Variants in SCLY observed in about 807,000 individuals in gnomAD.
The protein encoded by SCLY is putative selenocysteine lyase.
SCLY carries 38 observed loss-of-function variants against 50.1 expected under a neutral mutation model. The observed-to-expected ratio is 0.76, with a 90% CI of 0.59 to 0.99. The LOEUF (loss-of-function observed/expected upper bound fraction) is 0.99, where lower values mean the gene tolerates loss of function less well. SCLY is among the 50% of genes least tolerant of loss of function. SCLY has a pLI of 0.00. For synonymous variants in SCLY, 243 were observed against 249.4 expected (o/e 0.97, Z 0.24); for missense variants, 600 against 620.0 (o/e 0.97, Z 0.34).
chr2:238,063,482 C>T (rs564964556), intron 1 of SCLY, among the ~76,000 whole-genome samples: 1 of 152,272 alleles, frequency 6.6e-6, no homozygotes, highest in East Asian at 1.9e-4. Context: ...CTTGACCTCC[C>T]AAAGTGCTGG....
At chr2:238,080,465 C>A (rs2065224082) in intron 4 of SCLY, 1 of 152,220 alleles carries the variant, frequency 6.6e-6, no homozygotes, top group Non-Finnish European at 1.5e-5. Context: ...AATGCGTTTC[C>A]CCAGGAGGTG....
chr2:238,074,587 G>A (rs1012485179), intron 4 of SCLY, among the ~76,000 whole-genome samples: 2 of 152,050 alleles, frequency 1.3e-5, no homozygotes, highest in African/African-American at 2.4e-5. Flanking sequence ...GGGTTCAAGC[G>A]ATTCTCCTGC....
intron 8 of SCLY, chr2:238,092,460 G>C (rs1477745366): frequency 3.3e-5 from 5 of 152,242 alleles, no homozygotes; most frequent in Non-Finnish European, 5.9e-5. Flanking sequence ...CCGTCCACAG[G>C]CTTTGAAATA....
chr2:238,092,536 C>T (rs1170857299), intron 8 of SCLY: 2 of 152,260 alleles, frequency 1.3e-5, no homozygotes, highest in African/African-American at 4.8e-5. Flanking sequence ...CGCTGGAACT[C>T]CCTGAGTCCT....
At chr2:238,091,550 CA>C in intron 8 of SCLY, 104 of 408,366 alleles carry the variant, frequency 2.5e-4, no homozygotes, top group South Asian at 6.6e-4. Flanking sequence ...GCAGGTTCAC[CA>C]TTCCCAAAGG....
chr2:238,066,522 A>G lies in SCLY; in HGVS notation c.203-1543A>G, dbSNP rs894265787. Among the ~76,000 whole-genome samples, 1 of 152,172 alleles carries G rather than the reference A, an allele frequency of 6.6e-6. No homozygotes were observed. Among genetic ancestry groups the G allele is most frequent in the African/African-American group, 2.4e-5 (1 of 41,452 alleles). On this transcript the variant is annotated intron_variant, in intron 2 of 11. Transcript: ENST00000254663. The surrounding 1 kb of genome is among the most constrained non-coding windows in gnomAD (Gnocchi z 4.1). ...TTTTCGAGGCATTACTTTGTCCACT[A>G]TGTGGAGAATGGACCCTGGTGGGGG...
intron 4 of SCLY, among the ~76,000 whole-genome samples, chr2:238,072,777 C>T (rs187253313): frequency 6.6e-6 from 1 of 152,294 alleles, no homozygotes; most frequent in Non-Finnish European, 1.5e-5. Context: ...ATGCTTGATA[C>T]AAGTCCCTTG....
intron 1 of SCLY, among the ~76,000 whole-genome samples, chr2:238,062,259 G>A (rs2065025306): frequency 6.6e-6 from 1 of 152,114 alleles, no homozygotes; most frequent in Admixed American, 6.5e-5. Flanking sequence ...AAGGTACTTT[G>A]GATGCTTATT....
intron 4 of SCLY, chr2:238,079,753 G>A (rs2065216605): frequency 6.6e-6 from 1 of 151,970 alleles, no homozygotes; most frequent in African/African-American, 2.4e-5. Flanking sequence ...CATGTGTCTG[G>A]GAGTGAATGT....
intron 4 of SCLY, among the ~76,000 whole-genome samples, chr2:238,075,669 A>G (rs898869711): frequency 4.6e-5 from 7 of 152,142 alleles, no homozygotes; most frequent in Non-Finnish European, 1.0e-4. Flanking sequence ...ACCATTGTTT[A>G]TAGTAGTCTC....
intron 10 of SCLY, 111 bp from the exon 11 acceptor site, chr2:238,096,690 C>T: frequency 1.7e-6 from 2 of 1,168,258 alleles, no homozygotes; most frequent in South Asian, 1.3e-5. Flanking sequence ...GGAATTCCAC[C>T]AGGTGGCACA....
chr2:238,077,395 A>G (rs1228093094), intron 4 of SCLY, among the ~76,000 whole-genome samples: 1 of 152,240 alleles, frequency 6.6e-6, no homozygotes, highest in Admixed American at 6.5e-5. Context: ...ATGTTGTAAT[A>G]CACTGTTAGA....
intron 4 of SCLY, among the ~76,000 whole-genome samples, chr2:238,075,457 T>C (rs2065164381): frequency 6.6e-6 from 1 of 152,216 alleles, no homozygotes; most frequent in Non-Finnish European, 1.5e-5. Context: ...TTGGTTTTAA[T>C]TCATCTTTAA....
chr2:238,085,760 G>A lies in SCLY; in HGVS notation c.884+2406G>A, dbSNP rs115217450. On this transcript the variant is annotated intron_variant, in intron 7 of 11. Coordinates refer to ENST00000254663, the MANE Select transcript of SCLY (RefSeq NM_016510.7). ...GAATGGGGTTTAAAATAGAGCTTCA[G>A]GGACCTATGAGACGATAACAAATGA... is the stretch of plus-strand genomic sequence containing the variant. 1.9e-3 allele frequency among the ~76,000 whole-genome samples: 282 copies of A among 152,174 alleles called. 1 individual carries two copies. The highest frequency in any genetic ancestry group is 6.4e-3 in the African/African-American group (266 of 41,522).
rs769621642 is a variant in SCLY, at chr2:238,069,496, G to GC, written c.484+22dup. ...GTGGCAGGTGAGTGAGTGCAGGGTG[G>GC]CCCTGGGACCAGCCTGCTGAGCTCC... On this transcript the variant is annotated intron_variant, in intron 4 of 11. Coordinates refer to ENST00000254663, the MANE Select transcript of SCLY (RefSeq NM_016510.7). The surrounding 1 kb of genome is among the most constrained non-coding windows in gnomAD (Gnocchi z 5.0). 15 of 1,589,588 alleles carry GC rather than the reference G, an allele frequency of 9.4e-6. No homozygotes were observed. In the South Asian group the frequency reaches 1.7e-4, roughly 18 times the overall value.
intron 2 of SCLY, 51 bp from the exon 3 acceptor site, chr2:238,068,014 G>A: frequency 7.3e-7 from 1 of 1,375,220 alleles, no homozygotes; most frequent in South Asian, 1.2e-5. Flanking sequence ...TAGATGCGTT[G>A]ATTGAGCTTG....
intron 8 of SCLY, chr2:238,093,554 T>G: frequency 2.5e-6 from 1 of 393,252 alleles, no homozygotes. Flanking sequence ...TGGGTAGGAG[T>G]CTGTTCCCCT....
At position 238,099,412 on chromosome 2, in the gene SCLY, G is replaced by A. The variant is rs137927725; in HGVS notation, c.*1057G>A. The A allele has an allele frequency of 5.6e-5, 25 of 450,308 alleles. No homozygotes were observed. The highest frequency in any genetic ancestry group is 4.2e-4 in the East Asian group (6 of 14,208). The allele number at this position is 450,308 out of a possible 1,614,324, so 27.9% of individuals were successfully genotyped here. ...TAACGAATAAAAGATTTCAGTGCCC[G>A]ACTTGGGGATCCTGTGGTTTCTCTA... On this transcript the variant is annotated 3_prime_UTR_variant, in exon 12 of 12. Transcript: ENST00000254663.
At chr2:238,065,660 T>TTTTTATTATTATTA (rs71402758) in intron 2 of SCLY, among the ~76,000 whole-genome samples, 2 of 143,514 alleles carry the variant, frequency 1.4e-5, no homozygotes, top group African/African-American at 5.2e-5. Context: ...AATATTTTAT[T>TTTTTATTATTATTA]TTATTATTAT....
Sources: gnomAD v4.1 joint callset for allele counts (sites outside exome capture counted in the v4.1 genomes callset) on GRCh38, gnomAD v4.1.1 for gene constraint, Gnocchi (gnomAD v3.1) non-coding constraint, MANE v1.5 for transcripts, NCBI Gene and HGNC (gene_info 2026-07-23, HGNC 2026-07-21) for gene names.